NOS2: variants seen among roughly 807,000 people sequenced by gnomAD.
NOS2 encodes the protein nitric oxide synthase, inducible.
NOS2 carries 96 observed loss-of-function variants against 136.0 expected under a neutral mutation model. That is an observed-to-expected ratio of 0.71 (90% confidence interval 0.60 to 0.84). The LOEUF is 0.84. NOS2 is among the 40% of genes least tolerant of loss of function. The pLI, the probability that NOS2 is intolerant of heterozygous loss-of-function variation, is 0.00. For synonymous variants in NOS2, 539 were observed against 587.5 expected (o/e 0.92, Z 1.20); for missense variants, 1,237 against 1,496.9 (o/e 0.83, Z 2.87).
At position 27,760,434 on chromosome 17, in the gene NOS2, G is replaced by A. The variant is rs531760197; in HGVS notation, c.3010+189C>T. Among the ~76,000 whole-genome samples, 4 of 152,354 alleles carry A rather than the reference G, an allele frequency of 2.6e-5. No homozygotes were observed. The South Asian group carries it at 8.3e-4, about 32-fold the overall frequency. On this transcript the variant is annotated intron_variant, in intron 24 of 26. Transcript: ENST00000313735. ...TCCTGTTACCTCCACTCCCAGGAGAGGGAGCCCTGGCTACTATGCGGGAGA... is the reference window on the plus strand; with the variant it reads ...TCCTGTTACCTCCACTCCCAGGAGAAGGAGCCCTGGCTACTATGCGGGAGA...
At chr17:27,796,801 C>T (rs966148613) in intron 2 of NOS2, among the ~76,000 whole-genome samples, 5 of 152,040 alleles carry the variant, frequency 3.3e-5, no homozygotes, top group Admixed American at 2.0e-4. Flanking sequence ...AAGGAAGGGG[C>T]GAAGCCACTG....
At chr17:27,792,687 G>GA (rs952791075) in intron 2 of NOS2, among the ~76,000 whole-genome samples, 3 of 151,982 alleles carry the variant, frequency 2.0e-5, no homozygotes, top group African/African-American at 7.3e-5. Flanking sequence ...CATTCAAAGA[G>GA]AGTGCTGGCA....
chr17:27,789,298 C>T (rs1352125663), intron 3 of NOS2, among the ~76,000 whole-genome samples: 3 of 152,226 alleles, frequency 2.0e-5, no homozygotes, highest in African/African-American at 7.2e-5. Context: ...ATATAAGCCA[C>T]CCTCTCTCCC....
At chr17:27,793,422 C>A (rs981242356) in intron 2 of NOS2, among the ~76,000 whole-genome samples, 1 of 152,188 alleles carries the variant, frequency 6.6e-6, no homozygotes, top group African/African-American at 2.4e-5. Context: ...TCCTGAATTG[C>A]GACCTCTCAA....
intron 19 of NOS2, 56 bp from the exon 20 acceptor site, chr17:27,765,772 T>G (rs1908282278): frequency 3.3e-6 from 5 of 1,511,404 alleles, no homozygotes; most frequent in East Asian, 4.6e-5. Flanking sequence ...CCAGGGCTCC[T>G]TGATGGGCAG....
chr17:27,763,612 C>T (rs1165519366), intron 21 of NOS2, among the ~76,000 whole-genome samples: 3 of 152,230 alleles, frequency 2.0e-5, no homozygotes, highest in Non-Finnish European at 4.4e-5. Flanking sequence ...ATCTGTCACT[C>T]TGCCCATTAT....
chr17:27,769,222 C>A, intron 16 of NOS2, 71 bp from the exon 17 acceptor site: 1 of 1,452,462 alleles, frequency 6.9e-7, no homozygotes, highest in Non-Finnish European at 9.3e-7. Context: ...CCAGCACCAA[C>A]AGCCTGGAGA....
At position 27,787,746 on chromosome 17, in the gene NOS2, A is replaced by C. The variant is rs199910913; in HGVS notation, c.399T>G (p.Pro133=). ...GAGGTAGAAGCTCATCTGGAGGGGT[A>C]GGCTTGTCCCTGGGTCCTCTGGTCA... ...KSLTRGPRDK[P]TPPDELLPQA... is the part of the protein sequence containing the mutation. Residue 133 remains proline (P), a synonymous_variant, in exon 5 of 27, where the codon CCT becomes CCG. Transcript: ENST00000313735. 16 of 1,613,764 alleles carry C rather than the reference A, an allele frequency of 9.9e-6. No homozygotes were observed. Among genetic ancestry groups the C allele is most frequent in the Non-Finnish European group, 1.4e-5 (16 of 1,179,878 alleles).
chr17:27,769,432 C>T (rs559505959), intron 16 of NOS2, 103 bp downstream of exon 16: 10 of 998,164 alleles, frequency 1.0e-5, no homozygotes, highest in African/African-American at 4.8e-5. Flanking sequence ...TGTGCCTGCA[C>T]GGTTCTGAGA....
At chr17:27,794,338 A>G (rs1909285891) in intron 2 of NOS2, among the ~76,000 whole-genome samples, 1 of 152,222 alleles carries the variant, frequency 6.6e-6, no homozygotes, top group African/African-American at 2.4e-5. Context: ...GGAATATTGC[A>G]GGAGGGATCG....
At chr17:27,769,451 T>A in intron 16 of NOS2, 84 bp downstream of exon 16, 1 of 1,169,030 alleles carries the variant, frequency 8.6e-7, no homozygotes, top group South Asian at 1.2e-5. Context: ...GAAGACCCCC[T>A]GTGCACACCC....
Position 27,765,710 on chromosome 17 carries a change from G to A in NOS2, c.2253C>T (p.Ala751=). ...QNLQSPTSSR[A]TILVELSCED... ...CACAGGAGAGTTCCACCAGGATGGT[G>A]GCACGGCTGGGGAAGGAAAATGAAG... Residue 751 remains alanine, a synonymous_variant, in exon 20 of 27, where the codon GCC becomes GCT. Coordinates refer to ENST00000313735, the MANE Select transcript of NOS2 (RefSeq NM_000625.4). The A allele has an allele frequency of 1.9e-6, 3 of 1,601,082 alleles. No homozygotes were observed. The highest frequency in any genetic ancestry group is 2.6e-6 in the Non-Finnish European group (3 of 1,173,864).
intron 5 of NOS2, among the ~76,000 whole-genome samples, 179 bp from the exon 6 acceptor site, chr17:27,783,285 C>T (rs902277096): frequency 4.6e-5 from 7 of 152,196 alleles, no homozygotes; most frequent in African/African-American, 7.2e-5. Flanking sequence ...AAGCACCCCA[C>T]GCTCAATGCT....
At chr17:27,760,509 T>G in intron 24 of NOS2, 114 bp downstream of exon 24, 2 of 1,414,402 alleles carry the variant, frequency 1.4e-6, no homozygotes, top group Non-Finnish European at 1.9e-6. Flanking sequence ...GGAAGCAAAC[T>G]TGGGAGGCCT....
chr17:27,785,628 C>T lies in NOS2; in HGVS notation c.467+2050G>A, dbSNP rs1353663669. ...GATGAGGGCCTCTTCTGAAGACTCA[C>T]GGTCCCTCCCAGCTCAGACATTCTA... On this transcript the variant is annotated intron_variant, in intron 5 of 26. Coordinates refer to ENST00000313735, the MANE Select transcript of NOS2 (RefSeq NM_000625.4). Among the ~76,000 whole-genome samples, 14 of 152,106 alleles carry T rather than the reference C, an allele frequency of 9.2e-5. No homozygotes were observed. In the South Asian group the frequency reaches 2.1e-3, roughly 23 times the overall value.
At chr17:27,772,706 C>T (rs555999371) in intron 13 of NOS2, among the ~76,000 whole-genome samples, 12 of 152,084 alleles carry the variant, frequency 7.9e-5, no homozygotes, top group Non-Finnish European at 1.5e-4. Context: ...TTGGAATTGG[C>T]GACTGGACCT....
At position 27,788,819 on chromosome 17, in the gene NOS2, T is replaced by C; in HGVS notation, c.308A>G (p.Lys103Arg). 6.2e-7 allele frequency: 1 copy of C among 1,613,980 alleles called. No individual in the cohort carries two copies. The change falls in exon 4 of 27, where the codon AAG becomes AGG. Residue 103 changes from lysine to arginine, a missense_variant. Transcript: ENST00000313735. ...GMTFQDTLHH[K>R]AKGILTCRSK... ...AAGCCCCAGACTTACCCCTTTGGCC[T>C]TATGGTGAAGTGTGTCTTGGAAAGT... is the stretch of plus-strand genomic sequence containing the variant.
At chr17:27,769,300 C>A in intron 16 of NOS2, 149 bp from the exon 17 acceptor site, 4 of 864,880 alleles carry the variant, frequency 4.6e-6, no homozygotes, top group Non-Finnish European at 3.5e-6. Flanking sequence ...CTCTCCATCC[C>A]CCAGCCTTGT....
In NOS2 at chr17:27,767,755, G is replaced by A. The variant is rs201789784; in HGVS notation, c.2117C>T (p.Pro706Leu). ...KLYTSNVTWD[P>L]HHYRLVQDSQ... ...GTCCTGCACGAGCCTGTAGTGGTGC[G>A]GGTCCCAGGTCACATTGGAGGTGTA... The change falls in exon 18 of 27, where the codon CCG becomes CTG. Residue 706 changes from proline (P) to leucine (L), a missense_variant. Physicochemically the swap from Pro to Leu is moderately conservative, Grantham distance 98. Coordinates refer to ENST00000313735, the MANE Select transcript of NOS2 (RefSeq NM_000625.4). 7.7e-5 allele frequency: 124 copies of A among 1,613,326 alleles called. No individual in the cohort carries two copies. Among genetic ancestry groups the A allele is most frequent in the Non-Finnish European group, 9.8e-5 (116 of 1,180,026 alleles).
Sources: gnomAD v4.1 joint callset for allele counts (sites outside exome capture counted in the v4.1 genomes callset) on GRCh38, gnomAD v4.1.1 for gene constraint, MANE v1.5 for transcripts, NCBI Gene and HGNC (gene_info 2026-07-23, HGNC 2026-07-21) for gene names.